The following STARD13 variants were observed in gnomAD, a reference collection of about 807,000 sequenced individuals.
The protein encoded by STARD13 is StAR related lipid transfer domain containing 13, also known as stAR-related lipid transfer protein 13.
Under a neutral mutation model 106.4 loss-of-function variants are expected in STARD13, and 62 were observed. The observed-to-expected ratio is 0.58, with a 90% CI of 0.48 to 0.72. The LOEUF (loss-of-function observed/expected upper bound fraction) is 0.72. Among genes scored for constraint, STARD13 ranks in the 30% least tolerant of loss-of-function variants. The probability of loss-of-function intolerance (pLI) is 0.00; values close to 1 mark genes in which losing one functional copy is unlikely to be tolerated. For synonymous variants in STARD13, 565 were observed against 553.0 expected (o/e 1.02, Z -0.31); for missense variants, 1,387 against 1,424.0 (o/e 0.97, Z 0.42).
At chr13:33,499,600 CTTCTTTCTTCTT>C in the STARD13 span, among the ~76,000 whole-genome samples, 143 of 65,810 alleles carry the variant, frequency 2.2e-3, 2 homozygotes, top group Admixed American at 3.5e-3. Flanking sequence ...TCTTCTTCTT[CTTCTTTCTTCTT>C]CTTCTTCTTC....
At chr13:33,503,503 T>C in the STARD13 span, among the ~76,000 whole-genome samples, 25 of 152,260 alleles carry the variant, frequency 1.6e-4, no homozygotes, top group Non-Finnish European at 3.5e-4. Flanking sequence ...TTTCCTGCTT[T>C]CTTTTGTGGG....
the STARD13 span, among the ~76,000 whole-genome samples, chr13:33,592,204 G>A: frequency 2.6e-5 from 4 of 152,248 alleles, no homozygotes; most frequent in South Asian, 2.1e-4. Context: ...CCAGTGGATC[G>A]ATTTTCAAAT....
chr13:33,450,322 A>G, the STARD13 span, among the ~76,000 whole-genome samples: 2 of 152,122 alleles, frequency 1.3e-5, no homozygotes, highest in Non-Finnish European at 2.9e-5. Context: ...AAATACTTCT[A>G]TTGAGATAGT....
chr13:33,518,151 G>A, the STARD13 span, among the ~76,000 whole-genome samples: 1 of 152,122 alleles, frequency 6.6e-6, no homozygotes, highest in African/African-American at 2.4e-5. Context: ...TAGTCAGCCT[G>A]TGTTGTGCCC....
At chr13:33,365,905 T>C in the STARD13 span, among the ~76,000 whole-genome samples, 4 of 152,172 alleles carry the variant, frequency 2.6e-5, no homozygotes, top group African/African-American at 9.7e-5. Context: ...TCAAGGCTTT[T>C]CTTTTATTTT....
In STARD13 at chr13:33,105,369, AT is replaced by A. The variant is rs1462045507; in HGVS notation, c.*223del. 1 of 505,992 alleles carries A rather than the reference AT, an allele frequency of 2.0e-6. No individual in the cohort carries two copies. The highest frequency in any genetic ancestry group is 3.5e-6 in the Non-Finnish European group (1 of 283,138). 31.3% of individuals were successfully genotyped at this position (505,992 alleles called of 1,614,324 possible). A position where few individuals can be genotyped will look rare whatever the true frequency, so the allele number is the denominator to read the frequency against. ...TTTAAGTAATATATATAAAGTTCTC[AT>A]TTTAAAATTATATTAGTAGGGATGT... On this transcript the variant is annotated 3_prime_UTR_variant, in exon 14 of 14. Coordinates refer to ENST00000336934, the MANE Select transcript of STARD13 (RefSeq NM_178006.4).
chr13:33,638,993 C>T, the STARD13 span, among the ~76,000 whole-genome samples: 1 of 151,918 alleles, frequency 6.6e-6, no homozygotes, highest in African/African-American at 2.4e-5. Context: ...TTCATTCTTT[C>T]CGCAGATATT....
In STARD13 at chr13:33,233,620, C is replaced by T. The variant is rs144068792; in HGVS notation, c.169+51850G>A. Among the ~76,000 whole-genome samples, 1,444 of 152,326 alleles carry T rather than the reference C, an allele frequency of 9.5e-3. 10 individuals carry two copies. Among genetic ancestry groups the T allele is most frequent in the Non-Finnish European group, 0.014 (956 of 68,030 alleles). On this transcript the variant is annotated intron_variant, in intron 1 of 13. Transcript: ENST00000336934. The stretch of plus-strand genomic sequence containing the variant: ...ACAAGAGCTCAGGACCCATCAAGTG[C>T]AGGTACTCAGAAAGGCTGTAACACC...
the STARD13 span, among the ~76,000 whole-genome samples, chr13:33,473,685 C>T: frequency 6.6e-6 from 1 of 152,164 alleles, no homozygotes; most frequent in African/African-American, 2.4e-5. Flanking sequence ...CTCAGAAGCC[C>T]TTCTAAGCAG....
the STARD13 span, among the ~76,000 whole-genome samples, chr13:33,528,257 C>CATATATATATATATATATGT: frequency 1.1e-5 from 1 of 92,930 alleles, no homozygotes; most frequent in African/African-American, 6.5e-5. Context: ...TATATATATA[C>CATATATATATATATATATGT]ATATATATAT....
chr13:33,240,003 CA>C (rs1889388734), intron 1 of STARD13, among the ~76,000 whole-genome samples: 1 of 152,066 alleles, frequency 6.6e-6, no homozygotes, highest in Non-Finnish European at 1.5e-5. Flanking sequence ...TGTTTCCTTC[CA>C]GAAATTTTAT....
chr13:33,176,374 G>A (rs1164809356), intron 1 of STARD13, among the ~76,000 whole-genome samples: 2 of 152,152 alleles, frequency 1.3e-5, no homozygotes, highest in East Asian at 1.9e-4. Flanking sequence ...TCTGCTGAAC[G>A]TAGGCAACAG....
intron 3 of STARD13, among the ~76,000 whole-genome samples, chr13:33,160,015 T>C (rs904085479): frequency 2.0e-5 from 3 of 152,250 alleles, no homozygotes; most frequent in Admixed American, 2.0e-4. Context: ...TCAGAGGCAC[T>C]AGAATAGCCA....
chr13:33,161,286 G>T lies in STARD13; in HGVS notation c.323+4051C>A, dbSNP rs952986563. On this transcript the variant is annotated intron_variant, in intron 3 of 13. Coordinates refer to ENST00000336934, the MANE Select transcript of STARD13 (RefSeq NM_178006.4). ...TAGAAGCTGCTAACAAGAGGAATAG[G>T]GAAATTTTGGGAGTGAGGAAACTGT... 4.0e-5 allele frequency among the ~76,000 whole-genome samples: 6 copies of T among 151,848 alleles called. No individual in the cohort carries two copies. The South Asian group carries it at 1.2e-3, about 32-fold the overall frequency.
chr13:33,501,079 T>A, the STARD13 span, among the ~76,000 whole-genome samples: 1 of 81,186 alleles, frequency 1.2e-5, no homozygotes, highest in Non-Finnish European at 2.0e-5. Context: ...CTCTCTCTCC[T>A]TTTTTTTTTT....
chr13:33,371,104 C>G, the STARD13 span, among the ~76,000 whole-genome samples: 5 of 152,160 alleles, frequency 3.3e-5, no homozygotes, highest in African/African-American at 1.2e-4. Flanking sequence ...GTTATCTTTC[C>G]TCCTTCAATG....
the STARD13 span, among the ~76,000 whole-genome samples, chr13:33,523,610 T>G: frequency 6.6e-6 from 1 of 152,008 alleles, no homozygotes; most frequent in Non-Finnish European, 1.5e-5. Flanking sequence ...TGAAAAAAAT[T>G]TAAAAGATTC....
At chr13:33,245,453 G>C (rs763510732) in intron 1 of STARD13, among the ~76,000 whole-genome samples, 1 of 152,148 alleles carries the variant, frequency 6.6e-6, no homozygotes, top group Non-Finnish European at 1.5e-5. Flanking sequence ...AATCATTTGG[G>C]GCCACATTCT....
chr13:33,663,336 A>G, the STARD13 span, among the ~76,000 whole-genome samples: 1 of 152,230 alleles, frequency 6.6e-6, no homozygotes, highest in East Asian at 1.9e-4. Context: ...ATGGACAAAA[A>G]TTATTATGGA....
Sources: gnomAD v4.1 joint callset for allele counts (sites outside exome capture counted in the v4.1 genomes callset) on GRCh38, gnomAD v4.1.1 for gene constraint, MANE v1.5 for transcripts, NCBI Gene and HGNC (gene_info 2026-07-23, HGNC 2026-07-21) for gene names.